GSE1: variants seen among roughly 807,000 people sequenced by gnomAD.
GSE1 encodes the protein Gse1 coiled-coil protein, also known as genetic suppressor element 1.
A neutral mutation model predicts 112.6 loss-of-function variants in GSE1; 32 were observed. The observed-to-expected ratio is 0.28, with a 90% CI of 0.21 to 0.38. The LOEUF (loss-of-function observed/expected upper bound fraction) is 0.38. Among genes scored for constraint, GSE1 ranks in the 10% least tolerant of loss-of-function variants. The pLI is 1.00. For synonymous variants in GSE1, 1,115 were observed against 735.6 expected (o/e 1.52, Z -8.35); for missense variants, 2,348 against 1,699.2 (o/e 1.38, Z -6.71).
At chr16:85,372,915 G>A (rs1597515415) in intron 2 of GSE1, among the ~76,000 whole-genome samples, 4 of 152,172 alleles carry the variant, frequency 2.6e-5, no homozygotes, top group African/African-American at 4.8e-5. Context: ...CGGTCGTCCC[G>A]CCAGTCAGCT....
chr16:85,635,091 C>T (rs887995708), intron 2 of GSE1, among the ~76,000 whole-genome samples: 1 of 152,194 alleles, frequency 6.6e-6, no homozygotes, highest in African/African-American at 2.4e-5. Context: ...TTTACATTAC[C>T]CGGGTTCCAG....
intron 1 of GSE1, among the ~76,000 whole-genome samples, chr16:85,286,347 C>A (rs1436005010): frequency 6.6e-6 from 1 of 152,236 alleles, no homozygotes; most frequent in Non-Finnish European, 1.5e-5. Flanking sequence ...TATGACAACT[C>A]AGCTGTGACA....
chr16:85,259,299 C>T (rs1471829199), intron 1 of GSE1, among the ~76,000 whole-genome samples: 1 of 151,548 alleles, frequency 6.6e-6, no homozygotes, highest in Non-Finnish European at 1.5e-5. Context: ...CCCTGTGCTC[C>T]ACCCTGGCCC....
intron 2 of GSE1, among the ~76,000 whole-genome samples, chr16:85,484,554 G>A (rs576478532): frequency 1.9e-4 from 29 of 152,330 alleles, no homozygotes; most frequent in African/African-American, 6.7e-4. Context: ...GACACAGCAG[G>A]GGCCACCATT....
At chr16:85,270,522 A>G (rs1908726038) in intron 1 of GSE1, among the ~76,000 whole-genome samples, 1 of 148,604 alleles carries the variant, frequency 6.7e-6, no homozygotes, top group African/African-American at 2.4e-5. Context: ...CCTCTTTTCC[A>G]GTGTTTTCAG....
intron 1 of GSE1, among the ~76,000 whole-genome samples, chr16:85,299,868 C>T (rs1443458643): frequency 2.7e-5 from 4 of 148,766 alleles, no homozygotes; most frequent in African/African-American, 7.5e-5. Context: ...CCTGGGAGGT[C>T]GAGGCTTCTG....
chr16:85,576,981 C>G (rs1426344510), intron 1 of GSE1, among the ~76,000 whole-genome samples: 4 of 152,178 alleles, frequency 2.6e-5, no homozygotes, highest in Non-Finnish European at 5.9e-5. Flanking sequence ...TTTAGGTGAC[C>G]CTGTCTTGAT....
At chr16:85,287,633 A>C (rs1321010302) in intron 1 of GSE1, among the ~76,000 whole-genome samples, 7 of 151,392 alleles carry the variant, frequency 4.6e-5, no homozygotes, top group African/African-American at 1.7e-4. Flanking sequence ...GCCTTTCCAT[A>C]TTGGTCACTT....
intron 1 of GSE1, among the ~76,000 whole-genome samples, chr16:85,196,038 C>T (rs2074920191): frequency 6.6e-6 from 1 of 152,190 alleles, no homozygotes; most frequent in Admixed American, 6.5e-5. Flanking sequence ...CAAACACGGT[C>T]ATGTTTCTGC....
intron 1 of GSE1, among the ~76,000 whole-genome samples, chr16:85,565,361 A>C (rs2045696420): frequency 6.6e-6 from 1 of 150,578 alleles, no homozygotes; most frequent in Non-Finnish European, 1.5e-5. Flanking sequence ...ACTGCACTCC[A>C]GCCTGGGTGA....
At chr16:85,390,691 C>T (rs1343482917) in intron 2 of GSE1, among the ~76,000 whole-genome samples, 7 of 87,558 alleles carry the variant, frequency 8.0e-5, no homozygotes, top group African/African-American at 1.4e-4. Flanking sequence ...TCCCCCCCAC[C>T]GCCTTGTTCT....
intron 1 of GSE1, among the ~76,000 whole-genome samples, chr16:85,329,339 C>T (rs1474570158): frequency 2.0e-5 from 3 of 152,290 alleles, no homozygotes; most frequent in South Asian, 2.1e-4. Context: ...GAATACAGGG[C>T]CTCAGCTCTG....
intron 1 of GSE1, among the ~76,000 whole-genome samples, chr16:85,629,375 C>T (rs1003195011): frequency 6.6e-6 from 1 of 152,240 alleles, no homozygotes; most frequent in African/African-American, 2.4e-5. Context: ...TGCTCCCAGA[C>T]CTTCAGGGCG....
intron 2 of GSE1, among the ~76,000 whole-genome samples, chr16:85,646,590 C>T (rs980773932): frequency 7.2e-5 from 11 of 152,138 alleles, no homozygotes; most frequent in African/African-American, 1.9e-4. Context: ...CTCTTGGGGG[C>T]GGAGATCTGC....
In GSE1 at chr16:85,353,215, G is replaced by A. The variant is rs892629182; in HGVS notation, c.2284-4248G>A. ...TTGGCCAGGACGCAGTCTCACCTGG[G>A]GACTCGACCGGGGAAGAACCCACCT... On this transcript the variant is annotated intron_variant, in intron 1 of 2. Coordinates refer to the GSE1 transcript ENST00000637419. Among the ~76,000 whole-genome samples the A allele has an allele frequency of 2.6e-5, 4 of 152,052 alleles. No homozygotes were observed. The East Asian group carries it at 7.7e-4, about 29-fold the overall frequency.
upstream of GSE1, among the ~76,000 whole-genome samples, chr16:85,611,093 T>TG (rs1353466418): frequency 6.6e-6 from 1 of 152,126 alleles, no homozygotes. Context: ...GACCTGGAGG[T>TG]GGGGCCTAGG....
intron 13 of GSE1, chr16:85,666,622 A>T (rs2052884107): frequency 2.1e-6 from 1 of 465,452 alleles, no homozygotes; most frequent in Admixed American, 3.9e-5. Flanking sequence ...GAGGTAAAGG[A>T]GTGAACGCCG....
chr16:85,599,037 G>A (rs373304819), intron 1 of GSE1, among the ~76,000 whole-genome samples: 4 of 152,188 alleles, frequency 2.6e-5, no homozygotes, highest in Non-Finnish European at 5.9e-5. Context: ...TCCAGTAACC[G>A]CAGGAGACGT....
At chr16:85,603,970 G>T (rs1324750904) in intron 1 of GSE1, among the ~76,000 whole-genome samples, 2 of 152,132 alleles carry the variant, frequency 1.3e-5, no homozygotes, top group African/African-American at 4.8e-5. Flanking sequence ...AAGAAAAGCG[G>T]TATAATTGGT....
Sources: gnomAD v4.1 joint callset for allele counts (sites outside exome capture counted in the v4.1 genomes callset) on GRCh38, gnomAD v4.1.1 for gene constraint, MANE v1.5 for transcripts, NCBI Gene and HGNC (gene_info 2026-07-23, HGNC 2026-07-21) for gene names.